CERS6: variants seen among roughly 807,000 people sequenced by gnomAD.
CERS6 encodes the protein ceramide synthase 6.
CERS6 carries 26 observed loss-of-function variants against 56.8 expected under a neutral mutation model. The observed-to-expected ratio is 0.46, with a 90% CI of 0.34 to 0.63. The LOEUF is 0.63. Among genes scored for constraint, CERS6 ranks in the 30% least tolerant of loss-of-function variants. The probability of loss-of-function intolerance (pLI) is 0.01; values close to 1 mark genes in which losing one functional copy is unlikely to be tolerated. For synonymous variants in CERS6, 164 were observed against 173.3 expected (o/e 0.95, Z 0.42); for missense variants, 415 against 467.5 (o/e 0.89, Z 1.04).
At chr2:168,696,726 TC>T (rs1359175711) in intron 6 of CERS6, among the ~76,000 whole-genome samples, 1 of 152,202 alleles carries the variant, frequency 6.6e-6, no homozygotes, top group Admixed American at 6.5e-5. Context: ...CTATGAGGCC[TC>T]CTTGTGAAAA....
chr2:168,699,854 A>G (rs770756401), intron 6 of CERS6, among the ~76,000 whole-genome samples: 2 of 152,228 alleles, frequency 1.3e-5, no homozygotes, highest in Non-Finnish European at 2.9e-5. Context: ...CCTGTTCACA[A>G]TGAACATTTC....
chr2:168,660,047 G>A lies in CERS6; in HGVS notation c.465+29005G>A, dbSNP rs76631595. ...TATGCTTTCTGTTGCCACTATAACAGCAAGGGACATGGATCCTTAAGTGAC... is the reference window on the plus strand; with the variant it reads ...TATGCTTTCTGTTGCCACTATAACAACAAGGGACATGGATCCTTAAGTGAC... On this transcript the variant is annotated intron_variant, in intron 4 of 9. Coordinates refer to ENST00000305747, the MANE Select transcript of CERS6 (RefSeq NM_203463.3). 6.4e-3 allele frequency among the ~76,000 whole-genome samples: 975 copies of A among 152,260 alleles called. 9 individuals carry two copies. Among genetic ancestry groups the A allele is most frequent in the African/African-American group, 0.023 (941 of 41,534 alleles).
At chr2:168,735,032 A>G (rs1300965223) in intron 8 of CERS6, among the ~76,000 whole-genome samples, 2 of 152,228 alleles carry the variant, frequency 1.3e-5, no homozygotes, top group Non-Finnish European at 2.9e-5. Flanking sequence ...TTAAACATAA[A>G]GTATCATCCA....
intron 2 of CERS6, among the ~76,000 whole-genome samples, chr2:168,548,327 G>T (rs1204295821): frequency 6.6e-6 from 1 of 152,142 alleles, no homozygotes; most frequent in Non-Finnish European, 1.5e-5. Context: ...GAGTGGGAGA[G>T]AAGTGGGTAG....
intron 4 of CERS6, among the ~76,000 whole-genome samples, chr2:168,645,112 A>ATATATATATATATATATAT (rs1421470329): frequency 2.1e-5 from 1 of 47,736 alleles, no homozygotes; most frequent in Non-Finnish European, 4.1e-5. Context: ...AAAAAAAAAA[A>ATATATATATATATATATAT]AAAAATATAT....
chr2:168,709,486 A>T (rs1687036134), intron 6 of CERS6, among the ~76,000 whole-genome samples: 3 of 152,114 alleles, frequency 2.0e-5, no homozygotes, highest in Admixed American at 2.0e-4. Context: ...GTAAATATCA[A>T]GCAGGGAACA....
intron 4 of CERS6, among the ~76,000 whole-genome samples, chr2:168,667,899 G>A (rs893342360): frequency 2.6e-5 from 4 of 152,322 alleles, no homozygotes; most frequent in East Asian, 1.9e-4. Flanking sequence ...GACCTTCTGT[G>A]AAGCTTGTTT....
chr2:168,507,648 G>A, intron 1 of CERS6, among the ~76,000 whole-genome samples: 1 of 151,986 alleles, frequency 6.6e-6, no homozygotes, highest in Middle Eastern at 3.2e-3. Flanking sequence ...TTTGTGGGGA[G>A]GTCTTCCAAG....
At chr2:168,471,550 T>C (rs895538216) in intron 1 of CERS6, among the ~76,000 whole-genome samples, 3 of 152,350 alleles carry the variant, frequency 2.0e-5, no homozygotes, top group South Asian at 4.1e-4. Flanking sequence ...GTTCCACAAT[T>C]TAAAACAACT....
At chr2:168,711,745 A>AAAG (rs1185305234) in intron 6 of CERS6, among the ~76,000 whole-genome samples, 1 of 151,816 alleles carries the variant, frequency 6.6e-6, no homozygotes, top group South Asian at 2.1e-4. Flanking sequence ...AAAAAAAAAA[A>AAAG]AAAAGTATAG....
rs527343743 is a variant in CERS6 at position 168,462,818 on chromosome 2, G to A, written c.170+6200G>A. On this transcript the variant is annotated intron_variant, in intron 1 of 9. Transcript: ENST00000305747. ...CAAAGCACTGGGATTACATGTGTGA[G>A]TCACTGCAGCTGGTCAGGGTGATTC... 3.3e-5 allele frequency among the ~76,000 whole-genome samples: 5 copies of A among 152,334 alleles called. No individual in the cohort carries two copies. In the East Asian group the frequency reaches 7.7e-4, roughly 24 times the overall value.
intron 8 of CERS6, among the ~76,000 whole-genome samples, chr2:168,733,810 CAT>C (rs1285422554): frequency 6.6e-5 from 10 of 152,156 alleles, no homozygotes; most frequent in East Asian, 5.8e-4. Context: ...GCAATGGACA[CAT>C]GTGATAGTGA....
At chr2:168,746,368 T>C (rs1033381631) in intron 8 of CERS6, among the ~76,000 whole-genome samples, 2 of 152,090 alleles carry the variant, frequency 1.3e-5, no homozygotes, top group Admixed American at 6.5e-5. Flanking sequence ...ATTTGATAAG[T>C]TTATTATTTT....
intron 1 of CERS6, among the ~76,000 whole-genome samples, chr2:168,484,400 C>T (rs1368097422): frequency 4.6e-5 from 7 of 151,600 alleles, no homozygotes; most frequent in South Asian, 2.1e-4. Flanking sequence ...AGGCTGGTCT[C>T]GAACTCCCGA....
At chr2:168,717,825 A>C in intron 7 of CERS6, 47 bp from the exon 8 acceptor site, 1 of 1,418,062 alleles carries the variant, frequency 7.1e-7, no homozygotes, top group South Asian at 1.2e-5. Context: ...GAAACTTTTT[A>C]TTATCAGTTT....
chr2:168,527,800 A>G (rs913168338), intron 1 of CERS6, among the ~76,000 whole-genome samples: 2 of 151,984 alleles, frequency 1.3e-5, no homozygotes, highest in Admixed American at 6.6e-5. Context: ...AGCTCACTGT[A>G]CCCTCCACCT....
chr2:168,769,644 C>T lies in CERS6; in HGVS notation c.1137C>T (p.Ser379=), dbSNP rs749539202. The part of the protein sequence containing the change: ...SGTNGYLLTG[S]CSMDD ...CCAACGGGTATCTCCTGACTGGCTC[C>T]TGCTCCATGGATGATTAATTACTCA... The change falls in exon 10 of 10, where the codon TCC becomes TCT. Residue 379 remains serine (S), a synonymous_variant. Coordinates refer to ENST00000305747, the MANE Select transcript of CERS6 (RefSeq NM_203463.3). 1.9e-6 allele frequency: 3 copies of T among 1,610,352 alleles called. No homozygotes were observed. Among genetic ancestry groups the T allele is most frequent in the Non-Finnish European group, 2.5e-6 (3 of 1,178,896 alleles).
At chr2:168,698,998 T>C (rs190310413) in intron 6 of CERS6, among the ~76,000 whole-genome samples, 100 of 152,332 alleles carry the variant, frequency 6.6e-4, no homozygotes, top group African/African-American at 2.3e-3. Context: ...AATGGGAATT[T>C]GGCCGCTACC....
At chr2:168,551,528 A>G (rs556862595) in intron 2 of CERS6, among the ~76,000 whole-genome samples, 1 of 152,306 alleles carries the variant, frequency 6.6e-6, no homozygotes, top group South Asian at 2.1e-4. Context: ...ACAGGCGTTC[A>G]TGAGGGTTAA....
Sources: allele counts gnomAD v4.1 joint callset (sites outside exome capture counted in the v4.1 genomes callset), GRCh38; gene constraint gnomAD v4.1.1; transcripts MANE v1.5; gene names NCBI Gene and HGNC (gene_info 2026-07-23, HGNC 2026-07-21).